PPP6R2: variants seen among roughly 807,000 people sequenced by gnomAD.
PPP6R2 encodes the protein protein phosphatase 6 regulatory subunit 2, also known as serine/threonine-protein phosphatase 6 regulatory subunit 2.
PPP6R2 carries 62 observed loss-of-function variants against 100.2 expected under a neutral mutation model. That is an observed-to-expected ratio of 0.62 (90% CI 0.50 to 0.76). The LOEUF is 0.76. PPP6R2 is among the 30% of genes least tolerant of loss of function. PPP6R2 has a pLI of 0.00. For missense variants in PPP6R2, 1,142 were observed against 1,276.3 expected, an observed-to-expected ratio of 0.89 and a Z score of 1.60; for synonymous variants, 525 against 514.7, an observed-to-expected ratio of 1.02 and a Z score of -0.27.
rs770248531 is a variant in PPP6R2, at chr22:50,443,820, CTG to C, written c.2580-45_2580-44del. 14 of 1,530,562 alleles carry C rather than the reference CTG, an allele frequency of 9.1e-6. No homozygotes were observed. The African/African-American group carries it at 1.6e-4, about 18-fold the overall frequency. 94.8% of individuals were successfully genotyped at this position (1,530,562 alleles called of 1,614,324 possible). ...TCCTTGGGCATGAGGCGGGGTGGCA[CTG>C]AGGGTGGGGGTGCCCGTAACCGGAG... On this transcript the variant is annotated intron_variant, in intron 22 of 23. Transcript: ENST00000612753.
chr22:50,389,669 G>A (rs919491435), intron 2 of PPP6R2, among the ~76,000 whole-genome samples: 3 of 151,522 alleles, frequency 2.0e-5, no homozygotes, highest in African/African-American at 7.3e-5. Context: ...CGTGATTTCA[G>A]CTCACTGCAA....
At chr22:50,369,905 A>ATTTTT (rs1353992863) in intron 1 of PPP6R2, among the ~76,000 whole-genome samples, 1 of 123,642 alleles carries the variant, frequency 8.1e-6, no homozygotes, top group African/African-American at 3.3e-5. Flanking sequence ...CAGCTAAGTA[A>ATTTTT]TTTTTTTTTT....
At chr22:50,437,795 A>T (rs1203546446) in intron 16 of PPP6R2, 48 bp from the exon 17 acceptor site, 1 of 1,538,938 alleles carries the variant, frequency 6.5e-7, no homozygotes, top group Non-Finnish European at 8.8e-7. Flanking sequence ...GCCCCAGATG[A>T]GCAGTGGGCC....
chr22:50,436,698 T>A (rs1025859987), intron 14 of PPP6R2, among the ~76,000 whole-genome samples: 1 of 152,188 alleles, frequency 6.6e-6, no homozygotes, highest in Admixed American at 6.5e-5. Flanking sequence ...GGTGTTGGCC[T>A]CAGGTCCCTT....
chr22:50,339,799 GGTATGT>G (rs2042350074), upstream of PPP6R2, among the ~76,000 whole-genome samples: 1 of 65,608 alleles, frequency 1.5e-5, no homozygotes, highest in Non-Finnish European at 2.5e-5. Flanking sequence ...GTGTGTGTGG[GGTATGT>G]GTGTGTGGTG....
intron 22 of PPP6R2, among the ~76,000 whole-genome samples, chr22:50,442,717 TA>T (rs765005421): frequency 4.6e-5 from 7 of 152,006 alleles, no homozygotes; most frequent in Non-Finnish European, 1.0e-4. Context: ...CAGGCCCGGC[TA>T]ATTTTTTGTA....
rs1316891244 is a variant in PPP6R2 at position 50,423,006 on chromosome 22, T to G, written c.973-456T>G. On this transcript the variant is annotated intron_variant, in intron 9 of 23. Coordinates refer to ENST00000612753, the MANE Select transcript of PPP6R2 (RefSeq NM_001242898.2). This position sits in a 1 kb window ranked among gnomAD's most constrained non-coding sequence, Gnocchi z 4.8. ...TGTGGGGGATCAGAAAAGACCGCGG[T>G]CCATCGGAGGAGGCATTCCCGTCAG... 6.6e-6 allele frequency among the ~76,000 whole-genome samples: 1 copy of G among 151,958 alleles called. No homozygotes were observed. Among genetic ancestry groups the G allele is most frequent in the East Asian group, 1.9e-4 (1 of 5,188 alleles).
At chr22:50,414,792 T>C (rs919546759) in intron 5 of PPP6R2, 103 bp downstream of exon 5, 4 of 1,322,704 alleles carry the variant, frequency 3.0e-6, no homozygotes, top group Non-Finnish European at 4.1e-6. Context: ...GGCCCCCATC[T>C]CTCCACCTAG....
intron 10 of PPP6R2, among the ~76,000 whole-genome samples, chr22:50,429,708 C>T (rs981576994): frequency 9.2e-5 from 14 of 152,088 alleles, no homozygotes; most frequent in South Asian, 2.1e-4. Flanking sequence ...TAGACCTCAT[C>T]GCCAGGAAAG....
chr22:50,346,646 G>A (rs1473044845), intron 1 of PPP6R2, among the ~76,000 whole-genome samples: 8 of 63,618 alleles, frequency 1.3e-4, no homozygotes, highest in African/African-American at 4.0e-4. Context: ...GCCCCCCACC[G>A]TCAGTCAGTG....
chr22:50,380,280 C>T (rs1264985252), intron 2 of PPP6R2, among the ~76,000 whole-genome samples: 4 of 151,466 alleles, frequency 2.6e-5, no homozygotes, highest in African/African-American at 9.7e-5. Flanking sequence ...ACCGTGTTAG[C>T]CAGGACGGTC....
At chr22:50,400,511 G>A (rs1031006502) in intron 3 of PPP6R2, among the ~76,000 whole-genome samples, 1 of 152,254 alleles carries the variant, frequency 6.6e-6, no homozygotes. Flanking sequence ...CCTGGCTCAC[G>A]TGTGTCACCT....
At chr22:50,414,781 C>T (rs944749169) in intron 5 of PPP6R2, 92 bp downstream of exon 5, 11 of 1,393,186 alleles carry the variant, frequency 7.9e-6, no homozygotes, top group Middle Eastern at 2.6e-4. Flanking sequence ...CCAGGGCGCC[C>T]GGCCCCCATC....
intron 1 of PPP6R2, among the ~76,000 whole-genome samples, chr22:50,355,849 AAAACC>A (rs1212687108): frequency 4.6e-5 from 7 of 151,526 alleles, no homozygotes; most frequent in Non-Finnish European, 1.0e-4. Flanking sequence ...TGGAAAAAAA[AAAACC>A]AAAAAAAAAG....
chr22:50,374,733 G>A (rs1429977627), intron 2 of PPP6R2, among the ~76,000 whole-genome samples: 1 of 152,036 alleles, frequency 6.6e-6, no homozygotes, highest in Admixed American at 6.6e-5. Flanking sequence ...TGCTAATACG[G>A]TGAAACCCCG....
chr22:50,444,337 A>G lies in PPP6R2; in HGVS notation c.*90A>G. ...GGTGATGCAATCTTTTTTTTTTTTA[A>G]TTTAATTTAATTTTAAAATAAATGC... On this transcript the variant is annotated 3_prime_UTR_variant, in exon 24 of 24. Transcript: ENST00000612753. 1 of 1,350,382 alleles carries G rather than the reference A, an allele frequency of 7.4e-7. No individual in the cohort carries two copies. Among genetic ancestry groups the G allele is most frequent in the Non-Finnish European group, 1.0e-6 (1 of 993,504 alleles). 83.6% of individuals were successfully genotyped at this position (1,350,382 alleles called of 1,614,324 possible).
rs867762903 is a variant in PPP6R2, at chr22:50,372,091, C to A, written c.-76C>A. On this transcript the variant is annotated 5_prime_UTR_variant, in exon 2 of 24. Coordinates refer to ENST00000612753, the MANE Select transcript of PPP6R2 (RefSeq NM_001242898.2). ...AGCTGCATATACTCCAAGAAAAAAA[C>A]CACAAATGTTTTTCTGTTTTGCCTG... 1 of 152,092 alleles carries A rather than the reference C, an allele frequency of 6.6e-6. No homozygotes were observed. Among genetic ancestry groups the A allele is most frequent in the Non-Finnish European group, 1.5e-5 (1 of 68,006 alleles). 9.4% of individuals were successfully genotyped at this position (152,092 alleles called of 1,614,324 possible).
At chr22:50,439,081 A>G (rs2065029625) in intron 19 of PPP6R2, among the ~76,000 whole-genome samples, 1 of 152,100 alleles carries the variant, frequency 6.6e-6, no homozygotes, top group Non-Finnish European at 1.5e-5. Flanking sequence ...CGCCCTCCCC[A>G]GCACAGCAGC....
At chr22:50,356,601 G>T (rs193247471) in intron 1 of PPP6R2, among the ~76,000 whole-genome samples, 4 of 152,068 alleles carry the variant, frequency 2.6e-5, no homozygotes, top group Non-Finnish European at 5.9e-5. Context: ...AGAAGTGCTG[G>T]GTTATAACAT....
Sources: gnomAD v4.1 joint callset for allele counts (sites outside exome capture counted in the v4.1 genomes callset) on GRCh38, gnomAD v4.1.1 for gene constraint, Gnocchi (gnomAD v3.1) non-coding constraint, MANE v1.5 for transcripts, NCBI Gene and HGNC (gene_info 2026-07-23, HGNC 2026-07-21) for gene names.